The following PDE11A variants were observed in gnomAD, a reference collection of about 807,000 sequenced individuals.
PDE11A encodes phosphodiesterase 11A, also known as dual 3',5'-cyclic-AMP and -GMP phosphodiesterase 11A.
Under a neutral mutation model 100.5 loss-of-function variants are expected in PDE11A, and 100 were observed. The ratio of observed to expected loss-of-function variants is 1.00; its 90% CI spans 0.85 to 1.18. The LOEUF (loss-of-function observed/expected upper bound fraction) is 1.18. PDE11A is among the 50% of genes most tolerant of loss of function. The probability of loss-of-function intolerance (pLI) is 0.00; values close to 1 mark genes in which losing one functional copy is unlikely to be tolerated. For missense variants in PDE11A, 1,141 were observed against 1,152.6 expected, an observed-to-expected ratio of 0.99 and a Z score of 0.15; for synonymous variants, 381 against 420.8, an observed-to-expected ratio of 0.91 and a Z score of 1.16.
intron 10 of PDE11A, among the ~76,000 whole-genome samples, chr2:177,750,115 C>G (rs1010852885): frequency 6.6e-6 from 1 of 152,184 alleles, no homozygotes; most frequent in African/African-American, 2.4e-5. Flanking sequence ...TGCACATACT[C>G]AAGCTCAATA....
At chr2:178,108,062 C>T (rs2087642458) in intron 1 of PDE11A, among the ~76,000 whole-genome samples, 1 of 152,168 alleles carries the variant, frequency 6.6e-6, no homozygotes, top group South Asian at 2.1e-4. Flanking sequence ...CTGTGTTGAA[C>T]ACAATATCTG....
intron 6 of PDE11A, among the ~76,000 whole-genome samples, chr2:177,823,457 C>T (rs147927078): frequency 6.6e-6 from 1 of 152,304 alleles, no homozygotes; most frequent in East Asian, 1.9e-4. Flanking sequence ...TGTTCACTCT[C>T]TGTCTGGCAT....
At chr2:177,647,591 A>G (rs1379223526) in intron 19 of PDE11A, among the ~76,000 whole-genome samples, 1 of 152,168 alleles carries the variant, frequency 6.6e-6, no homozygotes, top group Non-Finnish European at 1.5e-5. Context: ...ATTTCTTGCA[A>G]GAGTTTAAAG....
chr2:177,743,256 A>T (rs1293635710), intron 10 of PDE11A, among the ~76,000 whole-genome samples: 4 of 152,232 alleles, frequency 2.6e-5, no homozygotes, highest in African/African-American at 9.6e-5. Flanking sequence ...TTTGTTAGTT[A>T]TAGGATCACT....
chr2:178,069,344 A>T (rs1323925974), intron 1 of PDE11A, among the ~76,000 whole-genome samples: 2 of 152,180 alleles, frequency 1.3e-5, no homozygotes, highest in East Asian at 1.9e-4. Flanking sequence ...AAAAAAAAGT[A>T]GCTTTATCAA....
At chr2:178,027,082 A>T (rs531326711) in intron 1 of PDE11A, among the ~76,000 whole-genome samples, 6 of 152,286 alleles carry the variant, frequency 3.9e-5, no homozygotes, top group Admixed American at 3.3e-4. Context: ...ACTTTTATAC[A>T]TTGCTAATGA....
intron 9 of PDE11A, among the ~76,000 whole-genome samples, chr2:177,771,649 A>T (rs935230223): frequency 6.6e-6 from 1 of 152,264 alleles, no homozygotes; most frequent in African/African-American, 2.4e-5. Flanking sequence ...ACAGTGTATT[A>T]TAAGATCTGC....
chr2:177,898,961 G>A (rs943750904), intron 3 of PDE11A, among the ~76,000 whole-genome samples: 1 of 152,058 alleles, frequency 6.6e-6, no homozygotes, highest in African/African-American at 2.4e-5. Context: ...TGTATCTCCC[G>A]AATTGGCCAT....
At chr2:177,997,283 T>C in intron 2 of PDE11A, 1 of 1,058,574 alleles carries the variant, frequency 9.4e-7, no homozygotes, top group Non-Finnish European at 1.5e-6. Context: ...ATAATTAAAG[T>C]TGCCCAAATT....
intron 2 of PDE11A, among the ~76,000 whole-genome samples, chr2:178,005,138 C>CAT (rs3067363): frequency 0.17 from 26,301 of 150,566 alleles, 2,623 homozygotes; most frequent in Middle Eastern, 0.28. Context: ...TCACAGTTTA[C>CAT]ATGAACACCT....
chr2:177,945,226 T>G (rs2085395151), intron 2 of PDE11A, among the ~76,000 whole-genome samples: 1 of 151,382 alleles, frequency 6.6e-6, no homozygotes, highest in African/African-American at 2.4e-5. Flanking sequence ...GATTGCAGCC[T>G]CTGCCCGGCC....
chr2:177,694,887 T>C (rs1376041611), intron 15 of PDE11A, among the ~76,000 whole-genome samples: 2 of 152,278 alleles, frequency 1.3e-5, no homozygotes, highest in East Asian at 3.9e-4. Context: ...TACTACTATT[T>C]TTAAAAAGCA....
chr2:178,031,408 T>C (rs888151495), intron 1 of PDE11A, among the ~76,000 whole-genome samples: 3 of 152,194 alleles, frequency 2.0e-5, no homozygotes, highest in Admixed American at 6.5e-5. Flanking sequence ...GCAGATGATA[T>C]GATTGCTTAC....
rs75416315 is a variant in PDE11A, at chr2:177,657,011, G to A, written c.2646+6855C>T. On this transcript the variant is annotated intron_variant, in intron 19 of 19. Transcript: ENST00000286063. ...GGACTTCGGAAGGTACCTTATAGAT[G>A]GTGATAGTAACCTGAGGTCTTTAAA... Among the ~76,000 whole-genome samples, 417 of 152,234 alleles carry A rather than the reference G, an allele frequency of 2.7e-3. 5 individuals are homozygous for A. Among genetic ancestry groups the A allele is most frequent in the African/African-American group, 9.6e-3 (398 of 41,530 alleles).
chr2:177,971,591 C>T (rs539343898), intron 2 of PDE11A, among the ~76,000 whole-genome samples: 4 of 152,190 alleles, frequency 2.6e-5, no homozygotes, highest in East Asian at 1.9e-4. Flanking sequence ...TTGAAGAACA[C>T]CAAATAGGGA....
At chr2:178,015,040 T>C (rs555701789) in intron 1 of PDE11A, among the ~76,000 whole-genome samples, 20 of 152,328 alleles carry the variant, frequency 1.3e-4, no homozygotes, top group African/African-American at 4.8e-4. Context: ...TAATTATGTT[T>C]ACAAGCAAGG....
intron 1 of PDE11A, among the ~76,000 whole-genome samples, chr2:178,066,806 A>T (rs1211247307): frequency 6.6e-6 from 1 of 152,122 alleles, no homozygotes. Context: ...CTTCAATCCA[A>T]ATACTGAGAA....
intron 5 of PDE11A, among the ~76,000 whole-genome samples, chr2:177,848,601 G>C (rs1272503987): frequency 1.3e-5 from 2 of 152,214 alleles, no homozygotes; most frequent in Non-Finnish European, 2.9e-5. Flanking sequence ...ACTTCAAAGA[G>C]AGCTTCATGA....
chr2:177,787,213 A>T (rs1439896309), intron 9 of PDE11A, among the ~76,000 whole-genome samples: 1 of 148,416 alleles, frequency 6.7e-6, no homozygotes, highest in African/African-American at 2.5e-5. Context: ...TACAAGCCAG[A>T]AGAGAGTGGG....
Sources: gnomAD v4.1 joint callset for allele counts (sites outside exome capture counted in the v4.1 genomes callset) on GRCh38, gnomAD v4.1.1 for gene constraint, MANE v1.5 for transcripts, NCBI Gene and HGNC (gene_info 2026-07-23, HGNC 2026-07-21) for gene names.